Variants in EPB41L3 observed in about 807,000 individuals in gnomAD.
EPB41L3 encodes erythrocyte membrane protein band 4.1 like 3, also known as band 4.1-like protein 3.
A neutral mutation model predicts 127.1 loss-of-function variants in EPB41L3; 57 were observed. That is an observed-to-expected ratio of 0.45 (90% CI 0.36 to 0.56). The LOEUF is 0.56. Among genes scored for constraint, EPB41L3 ranks in the 20% least tolerant of loss-of-function variants. EPB41L3 has a pLI of 0.00. For synonymous variants in EPB41L3, 572 were observed against 549.5 expected (o/e 1.04, Z -0.57); for missense variants, 1,273 against 1,372.2 (o/e 0.93, Z 1.14).
chr18:5,464,839 C>T (rs567935544), intron 3 of EPB41L3, among the ~76,000 whole-genome samples: 5 of 152,230 alleles, frequency 3.3e-5, no homozygotes, highest in East Asian at 3.9e-4. Flanking sequence ...GCCAACGTCC[C>T]GAGGGACTAG....
chr18:5,519,962 G>A (rs2092919436), intron 1 of EPB41L3, among the ~76,000 whole-genome samples: 1 of 152,202 alleles, frequency 6.6e-6, no homozygotes, highest in African/African-American at 2.4e-5. Context: ...AGGCATTAAA[G>A]CAGCAACTGA....
intron 3 of EPB41L3, among the ~76,000 whole-genome samples, chr18:5,579,185 T>C (rs1008531640): frequency 1.3e-5 from 2 of 152,190 alleles, no homozygotes; most frequent in Non-Finnish European, 2.9e-5. Flanking sequence ...TTAAACACAA[T>C]TAAAATTTAA....
At chr18:5,443,345 C>T (rs1309954129) in intron 5 of EPB41L3, among the ~76,000 whole-genome samples, 2 of 152,170 alleles carry the variant, frequency 1.3e-5, no homozygotes, top group Admixed American at 1.3e-4. Context: ...GACTTATTAG[C>T]TACTTGTATT....
At chr18:5,608,889 G>A (rs185223560) in intron 3 of EPB41L3, among the ~76,000 whole-genome samples, 2 of 152,040 alleles carry the variant, frequency 1.3e-5, no homozygotes, top group South Asian at 2.1e-4. Context: ...AACAGCTCAC[G>A]GCTCAACAGA....
At chr18:5,588,159 T>C (rs2094456250) in intron 3 of EPB41L3, among the ~76,000 whole-genome samples, 1 of 152,188 alleles carries the variant, frequency 6.6e-6, no homozygotes, top group African/African-American at 2.4e-5. Flanking sequence ...TATACATTCC[T>C]GTAAATGAGT....
rs1309895134 is a variant in EPB41L3 at position 5,603,362 on chromosome 18, G to A, written c.-306+8978C>T. Among the ~76,000 whole-genome samples the A allele has an allele frequency of 2.0e-5, 3 of 152,170 alleles. No homozygotes were observed. The East Asian group carries it at 5.8e-4, about 29-fold the overall frequency. ...CTTAGAGGACAATGTCAGAAGGCAA[G>A]ACTTGGACAAGGCTGCAGGCTCAGC... On this transcript the variant is annotated intron_variant, in intron 3 of 21. Coordinates refer to the EPB41L3 transcript ENST00000545076.
intron 1 of EPB41L3, among the ~76,000 whole-genome samples, chr18:5,539,330 A>G (rs1383029653): frequency 6.6e-6 from 1 of 152,158 alleles, no homozygotes; most frequent in Non-Finnish European, 1.5e-5. Context: ...TCAGCAATCT[A>G]AAAATTAAGT....
At chr18:5,630,641 T>TGCAGCGCGCTTCGGGCGCCTGTG (rs2094983732), upstream of EPB41L3, 1 of 403,662 alleles carries the variant, frequency 2.5e-6, no homozygotes, top group Admixed American at 2.9e-5. Flanking sequence ...AGTTGCCACC[T>TGCAGCGCGCTTCGGGCGCCTGTG]GCAGCGCGCT....
intron 1 of EPB41L3, among the ~76,000 whole-genome samples, chr18:5,535,622 G>T (rs1383221643): frequency 5.9e-5 from 9 of 152,166 alleles, no homozygotes; most frequent in African/African-American, 1.9e-4. Flanking sequence ...GCCAGCCTGA[G>T]ACCTCTAGAT....
At chr18:5,444,597 T>C (rs2081229254) in intron 4 of EPB41L3, among the ~76,000 whole-genome samples, 1 of 152,186 alleles carries the variant, frequency 6.6e-6, no homozygotes, top group Non-Finnish European at 1.5e-5. Flanking sequence ...ACATAAAACA[T>C]CTACTAAACA....
intron 1 of EPB41L3, among the ~76,000 whole-genome samples, chr18:5,627,238 C>T (rs886912569): frequency 1.3e-5 from 2 of 152,200 alleles, no homozygotes; most frequent in African/African-American, 2.4e-5. Flanking sequence ...AAAATCATAA[C>T]GCTTCCTTCC....
Position 5,398,057 on chromosome 18 carries a change from T to G in EPB41L3, c.2436A>C (p.Ile812=). The G allele has an allele frequency of 6.2e-7, 1 of 1,614,154 alleles. No homozygotes were observed. Among genetic ancestry groups the G allele is most frequent in the Non-Finnish European group, 8.5e-7 (1 of 1,180,024 alleles). The change falls in exon 17 of 23, where the codon ATA becomes ATC. Residue 812 remains isoleucine (I), a synonymous_variant. Transcript: ENST00000341928. ...LESARKPTEF[I]GGVTSTSQSW... ...TTTGAGAAGTAGAAGTAACCCCTCCTATGAATTCTGTTGGTTTTCGCGCAG... is the reference window on the plus strand; with the variant it reads ...TTTGAGAAGTAGAAGTAACCCCTCCGATGAATTCTGTTGGTTTTCGCGCAG...
intron 8 of EPB41L3, among the ~76,000 whole-genome samples, chr18:5,429,617 C>T (rs563232485): frequency 1.3e-5 from 2 of 152,244 alleles, no homozygotes; most frequent in East Asian, 3.9e-4. Flanking sequence ...TATACTGGTC[C>T]ATCTCTGGGA....
intron 1 of EPB41L3, among the ~76,000 whole-genome samples, chr18:5,615,510 A>G (rs2094784011): frequency 6.6e-6 from 1 of 152,204 alleles, no homozygotes; most frequent in Non-Finnish European, 1.5e-5. Context: ...ACTATTTGAG[A>G]ACACTAGAAG....
At chr18:5,426,467 T>C (rs576714034) in intron 9 of EPB41L3, among the ~76,000 whole-genome samples, 1 of 152,326 alleles carries the variant, frequency 6.6e-6, no homozygotes, top group South Asian at 2.1e-4. Context: ...CTCCCGTCTA[T>C]TCCCACAGCC....
At chr18:5,525,583 T>C (rs1399252258) in intron 1 of EPB41L3, among the ~76,000 whole-genome samples, 1 of 152,196 alleles carries the variant, frequency 6.6e-6, no homozygotes, top group East Asian at 1.9e-4. Flanking sequence ...TTATATAAAT[T>C]TATAATGATA....
chr18:5,543,407 AG>A lies in EPB41L3; in HGVS notation c.-12+505del, dbSNP rs2093801783. The A allele has an allele frequency of 6.8e-6, 1 of 146,842 alleles. No homozygotes were observed. Among genetic ancestry groups the A allele is most frequent in the South Asian group, 2.1e-4 (1 of 4,812 alleles). The allele number at this position is 146,842 out of a possible 1,614,324, so 9.1% of individuals were successfully genotyped here. A position where few individuals can be genotyped will look rare whatever the true frequency, so the allele number is the denominator to read the frequency against. On this transcript the variant is annotated intron_variant, in intron 1 of 22. Coordinates refer to ENST00000341928, the MANE Select transcript of EPB41L3 (RefSeq NM_012307.5). This position sits in a 1 kb window ranked among gnomAD's most constrained non-coding sequence, Gnocchi z 5.2. Reference sequence around the variant, plus strand: ...CGCAGGGCCCCTCCCGCGGCCCGCCAGCCGCCACCCGCCCGGGCGGCGCCGC... The same window carrying A: ...CGCAGGGCCCCTCCCGCGGCCCGCCACCGCCACCCGCCCGGGCGGCGCCGC...
intron 3 of EPB41L3, among the ~76,000 whole-genome samples, chr18:5,456,674 C>T (rs565118568): frequency 6.6e-6 from 1 of 152,204 alleles, no homozygotes; most frequent in Admixed American, 6.5e-5. Flanking sequence ...GTTTGAGCCA[C>T]TGAGGGGTAT....
chr18:5,460,706 T>C (rs1417199511), intron 3 of EPB41L3, among the ~76,000 whole-genome samples: 1 of 152,204 alleles, frequency 6.6e-6, no homozygotes, highest in Admixed American at 6.5e-5. Flanking sequence ...AATCTTAAAC[T>C]GGCCCTGGAA....
Sources: gnomAD v4.1 joint callset for allele counts (sites outside exome capture counted in the v4.1 genomes callset) on GRCh38, gnomAD v4.1.1 for gene constraint, Gnocchi (gnomAD v3.1) non-coding constraint, MANE v1.5 for transcripts, NCBI Gene and HGNC (gene_info 2026-07-23, HGNC 2026-07-21) for gene names.